The following ZNF320 variants were observed in gnomAD, a reference collection of about 807,000 sequenced individuals.
ZNF320 encodes the protein zinc finger protein 320, also known as zinc finger gene 320.
In ZNF320, 2 loss-of-function variants were observed where a neutral mutation model predicts 6.8. The observed-to-expected ratio is 0.29, with a 90% CI of 0.12 to 0.93. ZNF320 has a LOEUF of 0.93. Among genes scored for constraint, ZNF320 ranks in the 40% least tolerant of loss-of-function variants. The pLI, the probability that ZNF320 is intolerant of heterozygous loss-of-function variation, is 0.55. For missense variants in ZNF320, 472 were observed against 611.0 expected (o/e 0.77, Z 2.40); for synonymous variants, 208 against 203.2 (o/e 1.02, Z -0.20).
intron 5 of ZNF320, among the ~76,000 whole-genome samples, chr19:52,883,166 C>T (rs552553548): frequency 1.7e-4 from 26 of 152,118 alleles, no homozygotes; most frequent in Middle Eastern, 3.4e-3. Context: ...CTCAGCTTCC[C>T]GAGCACCTGG....
exon 6 of ZNF320, chr19:52,861,957 T>A: frequency 2.7e-6 from 1 of 365,500 alleles, no homozygotes; most frequent in South Asian, 2.3e-5. Context: ...TTCTCCTATG[T>A]TTTGCCTAGG....
At chr19:52,864,334 G>A (rs553474278) in intron 5 of ZNF320, among the ~76,000 whole-genome samples, 6 of 152,236 alleles carry the variant, frequency 3.9e-5, no homozygotes, top group African/African-American at 1.4e-4. Context: ...ACTTTTCCAT[G>A]AGAGATTTCA....
At chr19:52,870,517 C>T (rs1039571901) in intron 5 of ZNF320, among the ~76,000 whole-genome samples, 1 of 145,732 alleles carries the variant, frequency 6.9e-6, no homozygotes. Context: ...AAGATCATTA[C>T]AATTATTATA....
chr19:52,900,797 C>G (rs1418783265), upstream of ZNF320, among the ~76,000 whole-genome samples: 1 of 151,802 alleles, frequency 6.6e-6, no homozygotes, highest in Non-Finnish European at 1.5e-5. Context: ...GAGGGGCTGA[C>G]TTTTCTTTTT....
In ZNF320 at chr19:52,877,943, C is replaced by CTT. The variant is rs1179436191; in HGVS notation, c.*2651_*2652dup. The CTT allele has an allele frequency of 3.9e-5, 6 of 152,074 alleles. No individual in the cohort carries two copies. The highest frequency in any genetic ancestry group is 3.3e-4 in the Admixed American group (5 of 15,260). The allele number at this position is 152,074 out of a possible 1,614,324, so 9.4% of individuals were successfully genotyped here. A position where few individuals can be genotyped will look rare whatever the true frequency, so the allele number is the denominator to read the frequency against. Reference sequence around the variant, plus strand: ...TAAAATACAGAATTAAGTCATTTGACTTTTTTTAAATGAAAAGTCTCACAT... The same window carrying CTT: ...TAAAATACAGAATTAAGTCATTTGACTTTTTTTTTAAATGAAAAGTCTCACAT... On this transcript the variant is annotated 3_prime_UTR_variant, in exon 6 of 6. Coordinates refer to ENST00000682928, the MANE Select transcript of ZNF320 (RefSeq NM_001351774.2).
chr19:52,865,542 T>C lies in ZNF320; in HGVS notation c.224-1383A>G, dbSNP rs542848116. The C allele has an allele frequency of 6.3e-3, 810 of 128,438 alleles. 15 individuals carry two copies. The highest frequency in any genetic ancestry group is 8.3e-3 in the Non-Finnish European group (532 of 64,216). 8.0% of individuals were successfully genotyped at this position (128,438 alleles called of 1,614,324 possible). ...TTATACATATATATTTATATATGAT[T>C]ATACATATATATTTATATGATCATA... is the stretch of plus-strand genomic sequence containing the variant. On this transcript the variant is annotated intron_variant, in intron 5 of 5. Transcript: ENST00000673631.
exon 6 of ZNF320, among the ~76,000 whole-genome samples, chr19:52,863,220 AGTATAT>A (rs1410522937): frequency 2.0e-5 from 3 of 152,216 alleles, no homozygotes; most frequent in Non-Finnish European, 4.4e-5. Context: ...AATACATAGA[AGTATAT>A]GTATTTCTAT....
chr19:52,869,808 T>C (rs975003533), intron 5 of ZNF320, among the ~76,000 whole-genome samples: 2 of 151,886 alleles, frequency 1.3e-5, no homozygotes, highest in East Asian at 3.9e-4. Flanking sequence ...TTCCGTCTAA[T>C]GGTTTCACGC....
chr19:52,894,079 T>C (rs1029534312), intron 1 of ZNF320: 1 of 152,176 alleles, frequency 6.6e-6, no homozygotes, highest in African/African-American at 2.4e-5. Flanking sequence ...GAATTCATTA[T>C]GTAAATTAAA....
intron 5 of ZNF320, among the ~76,000 whole-genome samples, chr19:52,868,862 C>A (rs898010323): frequency 6.6e-6 from 1 of 152,136 alleles, no homozygotes; most frequent in African/African-American, 2.4e-5. Context: ...GCCCTGCACA[C>A]ACTGATTTAG....
At chr19:52,870,058 A>G (rs2063652195) in intron 5 of ZNF320, among the ~76,000 whole-genome samples, 1 of 150,926 alleles carries the variant, frequency 6.6e-6, no homozygotes, top group South Asian at 2.1e-4. Flanking sequence ...CACCATTTTG[A>G]TCAGGCTGGT....
intron 5 of ZNF320, chr19:52,865,436 A>ATTTT (rs1385491589): frequency 2.3e-5 from 2 of 87,480 alleles, no homozygotes; most frequent in African/African-American, 1.2e-4. Flanking sequence ...TCCAGGCTTT[A>ATTTT]TATATATATA....
chr19:52,867,387 G>A (rs1370403547), intron 5 of ZNF320, among the ~76,000 whole-genome samples: 2 of 151,702 alleles, frequency 1.3e-5, no homozygotes, highest in Non-Finnish European at 1.5e-5. Flanking sequence ...TAGTATAGAC[G>A]GGGTTTCACC....
At chr19:52,898,020 T>C (rs1600667815), upstream of ZNF320, among the ~76,000 whole-genome samples, 1 of 152,204 alleles carries the variant, frequency 6.6e-6, no homozygotes, top group African/African-American at 2.4e-5. Flanking sequence ...CGTGAGGCGG[T>C]CATTGGACCC....
chr19:52,891,663 G>A (rs911349181), intron 2 of ZNF320, among the ~76,000 whole-genome samples: 19 of 152,218 alleles, frequency 1.2e-4, no homozygotes, highest in Non-Finnish European at 2.4e-4. Context: ...ACACTGGCAG[G>A]GGCCCTGGAC....
intron 5 of ZNF320, among the ~76,000 whole-genome samples, chr19:52,886,459 A>T (rs932715482): frequency 3.9e-5 from 6 of 152,106 alleles, no homozygotes; most frequent in African/African-American, 1.4e-4. Flanking sequence ...AAGCTTCATT[A>T]TTGTGCTATA....
chr19:52,897,282 G>C lies in ZNF320; in HGVS notation c.-270+238C>G, dbSNP rs533882543. On this transcript the variant is annotated intron_variant, in intron 1 of 5. Transcript: ENST00000682928. Reference sequence around the variant, plus strand: ...CAGAGGACGCGGCCTCCCGGGAACCGGGGTTGAGGCGCGGCGCTCCTGAAG... The same window carrying C: ...CAGAGGACGCGGCCTCCCGGGAACCCGGGTTGAGGCGCGGCGCTCCTGAAG... Among the ~76,000 whole-genome samples the C allele has an allele frequency of 7.4e-4, 112 of 152,368 alleles. 1 individual carries two copies. In the Middle Eastern group the frequency reaches 0.017, roughly 23 times the overall value.
At position 52,877,705 on chromosome 19, in the gene ZNF320, A is replaced by G. The variant is rs1390594419; in HGVS notation, c.*2891T>C. On this transcript the variant is annotated 3_prime_UTR_variant, in exon 6 of 6. Coordinates refer to ENST00000682928, the MANE Select transcript of ZNF320 (RefSeq NM_001351774.2). ...AATGGAAGGCAGGTTTGTCTGACGC[A>G]GTTCCCAGATTGACTTTTCTCTTTG... The G allele has an allele frequency of 2.0e-5, 3 of 152,248 alleles. No individual in the cohort carries two copies. The highest frequency in any genetic ancestry group is 2.9e-5 in the Non-Finnish European group (2 of 68,056). 9.4% of individuals were successfully genotyped at this position (152,248 alleles called of 1,614,324 possible).
chr19:52,888,127 C>T lies in ZNF320; in HGVS notation c.142G>A (p.Asp48Asn), dbSNP rs1004090572. 2 of 1,577,728 alleles carry T rather than the reference C, an allele frequency of 1.3e-6. No homozygotes were observed. The highest frequency in any genetic ancestry group is 1.7e-6 in the Non-Finnish European group (2 of 1,168,924). ...ACTTCTGGAGGGAAGTTATCCTCAC[C>T]CAGGGAGACCAGGTTCCTATAATTC... is the stretch of plus-strand genomic sequence containing the variant. ...LENYRNLVSL[D>N]ISSKCMMNTL... The change falls in exon 5 of 6, where the codon GAT becomes AAT. Residue 48 changes from aspartate (D) to asparagine (N), a missense_variant and splice_region_variant. Around this residue, in one of 2 missense-constraint regions of ZNF320, gnomAD observed 462 missense variants for 559.7 expected, o/e 0.83. Coordinates refer to ENST00000682928, the MANE Select transcript of ZNF320 (RefSeq NM_001351774.2).
Sources: allele counts gnomAD v4.1 joint callset (sites outside exome capture counted in the v4.1 genomes callset), GRCh38; gene constraint gnomAD v4.1.1; regional missense constraint gnomAD v4.1.1; transcripts MANE v1.5; gene names NCBI Gene and HGNC (gene_info 2026-07-23, HGNC 2026-07-21).